The following ANKFN1 variants were observed in gnomAD, a reference collection of about 807,000 sequenced individuals.
ANKFN1 encodes ankyrin repeat and fibronectin type-III domain-containing protein 1.
In ANKFN1, 74 loss-of-function variants were observed where a neutral mutation model predicts 108.7. The ratio of observed to expected loss-of-function variants is 0.68; its 90% CI spans 0.56 to 0.83. The LOEUF (loss-of-function observed/expected upper bound fraction) is 0.83, where lower values mean the gene tolerates loss of function less well. ANKFN1 is among the 40% of genes least tolerant of loss of function. ANKFN1 has a pLI of 0.00. For synonymous variants in ANKFN1, 547 were observed against 516.2 expected, an observed-to-expected ratio of 1.06 and a Z score of -0.81; for missense variants, 1,505 against 1,382.3, an observed-to-expected ratio of 1.09 and a Z score of -1.41.
intron 8 of ANKFN1, among the ~76,000 whole-genome samples, chr17:56,432,133 A>G (rs769352587): frequency 2.0e-5 from 3 of 152,216 alleles, no homozygotes; most frequent in Non-Finnish European, 4.4e-5. Context: ...GTTTTAAAAG[A>G]GTTCTTGCTA....
At chr17:56,189,169 A>ATTTTTTTTTTT (rs1912593021) in intron 1 of ANKFN1, among the ~76,000 whole-genome samples, 2 of 54,660 alleles carry the variant, frequency 3.7e-5, no homozygotes, top group East Asian at 1.5e-3. Flanking sequence ...TGTTGCCCTG[A>ATTTTTTTTTTT]CTTTTTTTTT....
chr17:56,497,717 C>T (rs967569852), intron 19 of ANKFN1, among the ~76,000 whole-genome samples: 1 of 152,056 alleles, frequency 6.6e-6, no homozygotes, highest in East Asian at 1.9e-4. Context: ...TACCAAATTT[C>T]CAAATGTTCC....
chr17:56,206,237 G>A (rs529137384), intron 1 of ANKFN1, among the ~76,000 whole-genome samples: 9 of 151,892 alleles, frequency 5.9e-5, no homozygotes, highest in African/African-American at 1.7e-4. Context: ...CTATGTTTTC[G>A]TGTAATTGTC....
At chr17:56,191,710 A>G (rs1210557734) in intron 1 of ANKFN1, among the ~76,000 whole-genome samples, 1 of 144,930 alleles carries the variant, frequency 6.9e-6, no homozygotes, top group Non-Finnish European at 1.5e-5. Context: ...GCTCTTCTCG[A>G]GGAGCATCTT....
At chr17:56,430,521 C>CAT (rs1021235163) in intron 8 of ANKFN1, among the ~76,000 whole-genome samples, 109 of 151,860 alleles carry the variant, frequency 7.2e-4, no homozygotes, top group Non-Finnish European at 2.7e-4. Flanking sequence ...CACACACACA[C>CAT]ACACACACAC....
At chr17:56,082,722 G>T (rs1008784741) in intron 4 of ANKFN1, among the ~76,000 whole-genome samples, 1 of 152,208 alleles carries the variant, frequency 6.6e-6, no homozygotes, top group Non-Finnish European at 1.5e-5. Context: ...GCTTTGGGGA[G>T]GTGGATGGGC....
intron 3 of ANKFN1, among the ~76,000 whole-genome samples, chr17:56,248,138 A>G (rs2332599): frequency 0.97 from 147,274 of 152,252 alleles, 71,257 homozygotes; most frequent in East Asian, 1. Context: ...ACTCTTCACC[A>G]TAATCTTTTA....
chr17:56,122,023 A>G (rs1473216678), intron 4 of ANKFN1, among the ~76,000 whole-genome samples: 2 of 152,182 alleles, frequency 1.3e-5, no homozygotes, highest in Non-Finnish European at 2.9e-5. Flanking sequence ...ACAAACATTC[A>G]CTAGCACCTG....
At chr17:56,366,541 G>A (rs758032286) in intron 6 of ANKFN1, among the ~76,000 whole-genome samples, 9 of 152,130 alleles carry the variant, frequency 5.9e-5, no homozygotes, top group African/African-American at 1.9e-4. Context: ...TCCTGTAAGC[G>A]CCATTCAGGG....
chr17:56,392,970 A>T (rs2047481853), intron 8 of ANKFN1, among the ~76,000 whole-genome samples: 2 of 152,110 alleles, frequency 1.3e-5, no homozygotes, highest in South Asian at 4.2e-4. Flanking sequence ...AGGAAGTCTG[A>T]ATAGCAGCTC....
At chr17:56,376,028 T>C (rs545811899) in intron 8 of ANKFN1, among the ~76,000 whole-genome samples, 9 of 152,284 alleles carry the variant, frequency 5.9e-5, no homozygotes, top group African/African-American at 1.7e-4. Flanking sequence ...CATATGGAAT[T>C]ACACTGAACA....
At chr17:56,276,386 C>T (rs552217645) in intron 3 of ANKFN1, among the ~76,000 whole-genome samples, 5 of 152,220 alleles carry the variant, frequency 3.3e-5, no homozygotes, top group African/African-American at 1.2e-4. Context: ...ATCGCTGGGT[C>T]AAATGGTATT....
intron 4 of ANKFN1, among the ~76,000 whole-genome samples, chr17:56,086,425 AAAT>A (rs1211512679): frequency 6.6e-6 from 1 of 151,384 alleles, no homozygotes; most frequent in Non-Finnish European, 1.5e-5. Context: ...ATGAAAATAA[AAAT>A]CAATTTGTTA....
At chr17:56,467,781 A>AAGAAAGAAAGAAAGAAAGAAAG (rs1568026081) in intron 15 of ANKFN1, among the ~76,000 whole-genome samples, 2 of 22,438 alleles carry the variant, frequency 8.9e-5, no homozygotes, top group African/African-American at 1.8e-4. Flanking sequence ...GAAAGAAAGA[A>AAGAAAGAAAGAAAGAAAGAAAG]AGAAAGAAAG....
rs148523951 is a variant in ANKFN1 at position 56,279,201 on chromosome 17, T to C, written c.54-47020T>C. Among the ~76,000 whole-genome samples the C allele has an allele frequency of 1.1e-4, 16 of 152,316 alleles. No individual in the cohort carries two copies. The East Asian group carries it at 2.3e-3, about 22-fold the overall frequency. The stretch of plus-strand genomic sequence containing the variant: ...GTATTACAAATTCTAATATACCCAA[T>C]ATAAAGAACTAAAAATTATATAACA... On this transcript the variant is annotated intron_variant, in intron 3 of 20. Transcript: ENST00000682825.
At chr17:56,156,119 A>G (rs943766271) in intron 1 of ANKFN1, among the ~76,000 whole-genome samples, 1 of 137,442 alleles carries the variant, frequency 7.3e-6, no homozygotes, top group Non-Finnish European at 1.5e-5. Flanking sequence ...TCACTCTGTC[A>G]CCCAGGCTGG....
At chr17:56,219,332 C>T (rs143824745) in intron 2 of ANKFN1, among the ~76,000 whole-genome samples, 33 of 152,114 alleles carry the variant, frequency 2.2e-4, no homozygotes, top group African/African-American at 7.5e-4. Context: ...CTGCAACCTC[C>T]GCCTCCTGGG....
At chr17:56,087,012 G>A (rs1270175445) in intron 4 of ANKFN1, among the ~76,000 whole-genome samples, 1 of 151,104 alleles carries the variant, frequency 6.6e-6, no homozygotes, top group African/African-American at 2.4e-5. Flanking sequence ...GAAGATCATC[G>A]ATGATATGTC....
intron 1 of ANKFN1, among the ~76,000 whole-genome samples, chr17:56,182,625 G>C (rs1911796528): frequency 6.6e-6 from 1 of 152,194 alleles, no homozygotes; most frequent in Non-Finnish European, 1.5e-5. Flanking sequence ...TGCAAAGTGA[G>C]GCAGCAAGTG....
Sources: allele counts gnomAD v4.1 joint callset (sites outside exome capture counted in the v4.1 genomes callset), GRCh38; gene constraint gnomAD v4.1.1; transcripts MANE v1.5; gene names NCBI Gene and HGNC (gene_info 2026-07-23, HGNC 2026-07-21).